CALB2: variants seen among roughly 807,000 people sequenced by gnomAD.
CALB2 encodes the protein calbindin 2.
CALB2 carries 34 observed loss-of-function variants against 45.9 expected under a neutral mutation model. The observed-to-expected ratio is 0.74, with a 90% CI of 0.56 to 0.99. CALB2 has a LOEUF of 0.99. CALB2 is among the 50% of genes least tolerant of loss of function. The pLI, the probability that CALB2 is intolerant of heterozygous loss-of-function variation, is 0.00. For missense variants in CALB2, 344 were observed against 339.3 expected (o/e 1.01, Z -0.11); for synonymous variants, 142 against 129.6 (o/e 1.10, Z -0.65).
intron 10 of CALB2, among the ~76,000 whole-genome samples, chr16:71,388,415 A>T (rs890892610): frequency 6.6e-6 from 1 of 152,140 alleles, no homozygotes; most frequent in African/African-American, 2.4e-5. Context: ...GGAAAGAAAG[A>T]AAAGGTTGTT....
intron 1 of CALB2, among the ~76,000 whole-genome samples, chr16:71,362,431 A>G (rs2042245125): frequency 1.3e-5 from 2 of 152,190 alleles, no homozygotes; most frequent in South Asian, 4.1e-4. Context: ...CCTTCCAAGA[A>G]TCTAGCCTAC....
chr16:71,383,399 C>T lies in CALB2; in HGVS notation c.432C>T (p.Asn144=), dbSNP rs748416874. The T allele has an allele frequency of 6.2e-7, 1 of 1,614,160 alleles. No individual in the cohort carries two copies. Among genetic ancestry groups the T allele is most frequent in the East Asian group, 2.2e-5 (1 of 44,880 alleles). Residue 144 remains asparagine, a synonymous_variant, in exon 6 of 11, where the codon AAC becomes AAT. Coordinates refer to ENST00000302628, the MANE Select transcript of CALB2 (RefSeq NM_001740.5). ...TGTCAGACCTGCTGAAGAAGGCGAA[C>T]CGGCCGTACGATGAGCCCAAGCTCC... ...GFLSDLLKKA[N]RPYDEPKLQE...
intron 2 of CALB2, 117 bp downstream of exon 2, chr16:71,372,346 A>T (rs8061026): frequency 0.31 from 204,189 of 659,354 alleles, 32,580 homozygotes; most frequent in South Asian, 0.38. Flanking sequence ...TTGACACAGC[A>T]TTTTATTTGT....
intron 1 of CALB2, among the ~76,000 whole-genome samples, chr16:71,360,372 T>C (rs549086326): frequency 6.6e-6 from 1 of 152,178 alleles, no homozygotes; most frequent in African/African-American, 2.4e-5. Context: ...GAATTACTGA[T>C]GGAAGTGGGT....
At chr16:71,374,384 G>A (rs3935259) in intron 2 of CALB2, among the ~76,000 whole-genome samples, 55,287 of 152,042 alleles carry the variant, frequency 0.36, 10,565 homozygotes, top group Admixed American at 0.5. Flanking sequence ...ATTACAACCT[G>A]CTTCAGTAAA....
chr16:71,380,292 C>CTTTTTTTTTTTTT (rs544138378), intron 4 of CALB2, among the ~76,000 whole-genome samples: 3 of 43,822 alleles, frequency 6.8e-5, no homozygotes, highest in African/African-American at 8.2e-5. Flanking sequence ...CCTTCCTTTT[C>CTTTTTTTTTTTTT]TTTTTTTTTT....
chr16:71,370,877 C>T (rs6499513), intron 1 of CALB2, among the ~76,000 whole-genome samples: 60,763 of 151,984 alleles, frequency 0.4, 12,410 homozygotes, highest in Admixed American at 0.51. Context: ...TCAGCTCAGT[C>T]CTGGTCTCTA....
At chr16:71,383,592 C>G (rs939459209) in intron 6 of CALB2, 148 bp downstream of exon 6, 2 of 708,208 alleles carry the variant, frequency 2.8e-6, no homozygotes, top group Non-Finnish European at 4.8e-6. Flanking sequence ...AGGGATGCTA[C>G]TTCGTGGCTT....
At chr16:71,384,098 C>T in intron 7 of CALB2, 73 bp downstream of exon 7, 10 of 1,520,888 alleles carry the variant, frequency 6.6e-6, no homozygotes, top group Middle Eastern at 3.4e-4. Context: ...TCTCTGAGAT[C>T]CATTGGTGGG....
chr16:71,370,717 C>T (rs1424214607), intron 1 of CALB2, among the ~76,000 whole-genome samples: 1 of 152,144 alleles, frequency 6.6e-6, no homozygotes, highest in Non-Finnish European at 1.5e-5. Context: ...GGCAACACAG[C>T]AAGACCCTGT....
chr16:71,369,211 C>A (rs186480426), intron 1 of CALB2, among the ~76,000 whole-genome samples: 1 of 152,112 alleles, frequency 6.6e-6, no homozygotes, highest in African/African-American at 2.4e-5. Flanking sequence ...GCCAGCGCTG[C>A]GAGTGTATTA....
At chr16:71,372,360 G>C (rs2042362442) in intron 2 of CALB2, 131 bp downstream of exon 2, 5 of 626,300 alleles carry the variant, frequency 8.0e-6, no homozygotes. Flanking sequence ...TATTTGTAAG[G>C]ATAAAAAATA....
At chr16:71,361,937 T>C (rs2042241153) in intron 1 of CALB2, among the ~76,000 whole-genome samples, 2 of 152,130 alleles carry the variant, frequency 1.3e-5, no homozygotes, top group African/African-American at 2.4e-5. Context: ...GCAATACCAC[T>C]CCACCAACTC....
At chr16:71,372,299 G>A (rs944177282) in intron 2 of CALB2, 70 bp downstream of exon 2, 1 of 1,100,624 alleles carries the variant, frequency 9.1e-7, no homozygotes, top group Non-Finnish European at 1.4e-6. Flanking sequence ...CTGTGTCCCA[G>A]TTATGTATGC....
At chr16:71,363,854 C>T (rs1304139255) in intron 1 of CALB2, among the ~76,000 whole-genome samples, 1 of 152,102 alleles carries the variant, frequency 6.6e-6, no homozygotes, top group East Asian at 1.9e-4. Flanking sequence ...CAACAGGGTC[C>T]GACACTGGGA....
At chr16:71,364,513 C>T (rs563935009) in intron 1 of CALB2, among the ~76,000 whole-genome samples, 8 of 152,200 alleles carry the variant, frequency 5.3e-5, no homozygotes, top group Non-Finnish European at 8.8e-5. Context: ...ATCCCAGGCC[C>T]TCCTTTGCCA....
intron 4 of CALB2, among the ~76,000 whole-genome samples, chr16:71,381,774 G>A (rs2042494518): frequency 6.6e-6 from 1 of 152,078 alleles, no homozygotes. Context: ...AGCACTATGG[G>A]AGGCTGAGGT....
chr16:71,385,941 C>T (rs752090423), intron 10 of CALB2, among the ~76,000 whole-genome samples: 1 of 152,156 alleles, frequency 6.6e-6, no homozygotes, highest in Non-Finnish European at 1.5e-5. Context: ...CATAATATTG[C>T]ACATGCGTGG....
In CALB2 at chr16:71,366,022, C is replaced by CTTTT. The variant is rs1447467571; in HGVS notation, c.95-6130_95-6129insTTTT. Among the ~76,000 whole-genome samples the CTTTT allele has an allele frequency of 2.8e-3, 139 of 50,500 alleles. 23 individuals carry two copies. Among genetic ancestry groups the CTTTT allele is most frequent in the African/African-American group, 8.0e-3 (80 of 9,940 alleles). 33.1% of individuals were successfully genotyped at this position (50,500 alleles called of 152,430 possible). A position where few individuals can be genotyped will look rare whatever the true frequency, so the allele number is the denominator to read the frequency against. On this transcript the variant is annotated intron_variant, in intron 1 of 10. Coordinates refer to ENST00000302628, the MANE Select transcript of CALB2 (RefSeq NM_001740.5). Reference sequence around the variant, plus strand: ...TTTCTTTGTTTTCTTCCCTCTCTCTCTCTTTTTTTTTTTTTTTTTTTTGAG... The same window carrying CTTTT: ...TTTCTTTGTTTTCTTCCCTCTCTCTCTTTTTCTTTTTTTTTTTTTTTTTTTTGAG...
Sources: allele counts gnomAD v4.1 joint callset (sites outside exome capture counted in the v4.1 genomes callset), GRCh38; gene constraint gnomAD v4.1.1; transcripts MANE v1.5; gene names NCBI Gene and HGNC (gene_info 2026-07-23, HGNC 2026-07-21).